Variants in SMCO1 observed in about 807,000 individuals in gnomAD.
The protein encoded by SMCO1 is single-pass membrane and coiled-coil domain-containing protein 1.
A neutral mutation model predicts 7.5 loss-of-function variants in SMCO1; 9 were observed. The ratio of observed to expected loss-of-function variants is 1.20; its 90% CI spans 0.72 to 2.09. SMCO1 has a LOEUF of 2.09. SMCO1 is among the 30% of genes most tolerant of loss of function. The pLI is 0.00. For missense variants in SMCO1, 219 were observed against 253.1 expected, an observed-to-expected ratio of 0.87 and a Z score of 0.91; for synonymous variants, 90 against 93.8, an observed-to-expected ratio of 0.96 and a Z score of 0.23.
intron 1 of SMCO1, among the ~76,000 whole-genome samples, chr3:196,514,136 CT>C (rs1329506590): frequency 6.6e-6 from 1 of 152,172 alleles, no homozygotes; most frequent in African/African-American, 2.4e-5. Context: ...GATTCTGTGA[CT>C]CAACTGATTA....
At chr3:196,510,600 C>T (rs939595778) in intron 1 of SMCO1, among the ~76,000 whole-genome samples, 1 of 152,042 alleles carries the variant, frequency 6.6e-6, no homozygotes, top group Non-Finnish European at 1.5e-5. Context: ...ATTTTCTACC[C>T]GATTCTAATT....
At position 196,514,690 on chromosome 3, in the gene SMCO1, TTTA is replaced by T. The variant is rs564035523; in HGVS notation, c.50+467_50+469del. 2.7e-3 allele frequency among the ~76,000 whole-genome samples: 417 copies of T among 152,348 alleles called. 4 individuals are homozygous for T. Among genetic ancestry groups the T allele is most frequent in the African/African-American group, 9.1e-3 (380 of 41,584 alleles). ...TACAGCACCTGGGAGCAGACTTTTCTTTATTGTTAATTTACATAGGTTTGGGCC... is the reference window on the plus strand; with the variant it reads ...TACAGCACCTGGGAGCAGACTTTTCTTTGTTAATTTACATAGGTTTGGGCC... On this transcript the variant is annotated intron_variant, in intron 1 of 2. Coordinates refer to ENST00000397537, the MANE Select transcript of SMCO1 (RefSeq NM_001077657.3).
At chr3:196,513,588 C>G (rs1733306069) in intron 1 of SMCO1, among the ~76,000 whole-genome samples, 1 of 141,540 alleles carries the variant, frequency 7.1e-6, no homozygotes, top group Admixed American at 7.4e-5. Context: ...GAAATCGCGC[C>G]ACTGCACTCC....
chr3:196,512,259 C>T (rs1733262844), intron 1 of SMCO1, among the ~76,000 whole-genome samples: 1 of 151,864 alleles, frequency 6.6e-6, no homozygotes, highest in Non-Finnish European at 1.5e-5. Context: ...GGGAAACTTG[C>T]CTGGGCCAAG....
rs535455364 is a variant in SMCO1, at chr3:196,515,311, C to G, written c.-102G>C. 6.0e-6 allele frequency: 5 copies of G among 837,732 alleles called. No individual in the cohort carries two copies. Among genetic ancestry groups the G allele is most frequent in the Admixed American group, 1.8e-5 (1 of 55,042 alleles). 51.9% of individuals were successfully genotyped at this position (837,732 alleles called of 1,614,324 possible). On this transcript the variant is annotated 5_prime_UTR_variant, in exon 1 of 3. Coordinates refer to ENST00000397537, the MANE Select transcript of SMCO1 (RefSeq NM_001077657.3). Reference sequence around the variant, plus strand: ...CTGCGGTCTTCCTCTCAGCAACAGGCAGCAGTAGCAGGAGCGCTCAGTCTA... The same window carrying G: ...CTGCGGTCTTCCTCTCAGCAACAGGGAGCAGTAGCAGGAGCGCTCAGTCTA...
At chr3:196,516,035 A>G (rs1314333991), upstream of SMCO1, among the ~76,000 whole-genome samples, 1 of 109,002 alleles carries the variant, frequency 9.2e-6, no homozygotes, top group Non-Finnish European at 1.8e-5. Context: ...ATATATAATT[A>G]TATATAAAAT....
upstream of SMCO1, among the ~76,000 whole-genome samples, chr3:196,518,726 T>C (rs1342190070): frequency 1.3e-5 from 2 of 152,202 alleles, no homozygotes; most frequent in Non-Finnish European, 2.9e-5. Context: ...TCAAAATCTG[T>C]CCTTTCATTC....
At chr3:196,515,084 A>G in intron 1 of SMCO1, 76 bp downstream of exon 1, 1 of 1,520,748 alleles carries the variant, frequency 6.6e-7, no homozygotes, top group Non-Finnish European at 9.1e-7. Flanking sequence ...CTTTATTTCT[A>G]TTCTTCATTC....
Position 196,515,302 on chromosome 3 carries a change from A to G in SMCO1, c.-93T>C. 1.1e-6 allele frequency: 1 copy of G among 902,642 alleles called. No homozygotes were observed. The highest frequency in any genetic ancestry group is 1.8e-6 in the Non-Finnish European group (1 of 547,564). The allele number at this position is 902,642 out of a possible 1,614,324, so 55.9% of individuals were successfully genotyped here. A position where few individuals can be genotyped will look rare whatever the true frequency, so the allele number is the denominator to read the frequency against. The stretch of plus-strand genomic sequence containing the variant: ...CAGAATTTTCTGCGGTCTTCCTCTC[A>G]GCAACAGGCAGCAGTAGCAGGAGCG... On this transcript the variant is annotated 5_prime_UTR_variant, in exon 1 of 3. Coordinates refer to ENST00000397537, the MANE Select transcript of SMCO1 (RefSeq NM_001077657.3).
chr3:196,512,658 C>G (rs1055050924), intron 1 of SMCO1, among the ~76,000 whole-genome samples: 64 of 151,736 alleles, frequency 4.2e-4, no homozygotes, highest in African/African-American at 1.5e-3. Flanking sequence ...ATTACAGGCG[C>G]CACCACATCC....
chr3:196,509,806 A>G, intron 1 of SMCO1, 137 bp from the exon 2 acceptor site: 1 of 657,860 alleles, frequency 1.5e-6, no homozygotes, highest in Non-Finnish European at 2.4e-6. Context: ...TTTACTTTAA[A>G]CTATGAAGGG....
At chr3:196,517,236 T>A (rs561854103), upstream of SMCO1, among the ~76,000 whole-genome samples, 1 of 151,624 alleles carries the variant, frequency 6.6e-6, no homozygotes, top group East Asian at 1.9e-4. Flanking sequence ...TCCTGAGTGA[T>A]AGGAGTGTCT....
Position 196,509,576 on chromosome 3 carries a change from C to G in SMCO1, c.144G>C (p.Lys48Asn). 1 of 1,613,986 alleles carries G rather than the reference C, an allele frequency of 6.2e-7. No individual in the cohort carries two copies. Among genetic ancestry groups the G allele is most frequent in the African/African-American group, 1.3e-5 (1 of 74,986 alleles). ...CTTGGGCTGCTTGGCTTGCCAAAGC[C>G]TTACTATGATGTTCGAATTTCTGCA... ...NLMQKFEHHSKALASQAAQDE... is the reference protein window; with the variant it reads ...NLMQKFEHHSNALASQAAQDE... Residue 48 changes from lysine to asparagine, a missense_variant, in exon 2 of 3, where the codon AAG (lysine) becomes AAC (asparagine). By Grantham distance (94) the Lys-to-Asn change is moderately conservative. Transcript: ENST00000397537.
upstream of SMCO1, among the ~76,000 whole-genome samples, chr3:196,519,877 C>T (rs1733461612): frequency 1.3e-5 from 2 of 152,284 alleles, no homozygotes; most frequent in Non-Finnish European, 2.9e-5. Flanking sequence ...ACACCTACAA[C>T]CACGGGCGGC....
In SMCO1 at chr3:196,507,854, G is replaced by A. The variant is rs368414591; in HGVS notation, c.*33C>T. The A allele has an allele frequency of 3.7e-6, 5 of 1,366,484 alleles. No homozygotes were observed. In the African/African-American group the frequency reaches 7.3e-5, roughly 20 times the overall value. The allele number at this position is 1,366,484 out of a possible 1,614,324, so 84.6% of individuals were successfully genotyped here. ...TTTGCTGTTTCCAAGATAAATTACTGTAGGTGGAATCACTGGGTCATAGGG... is the reference window on the plus strand; with the variant it reads ...TTTGCTGTTTCCAAGATAAATTACTATAGGTGGAATCACTGGGTCATAGGG... On this transcript the variant is annotated 3_prime_UTR_variant, in exon 3 of 3. Coordinates refer to ENST00000397537, the MANE Select transcript of SMCO1 (RefSeq NM_001077657.3).
intron 1 of SMCO1, among the ~76,000 whole-genome samples, chr3:196,511,132 T>C (rs6810083): frequency 0.38 from 44,116 of 116,004 alleles, 8,525 homozygotes; most frequent in Middle Eastern, 0.57. Context: ...CTAGATTGTC[T>C]TTATGAGGGA....
upstream of SMCO1, among the ~76,000 whole-genome samples, chr3:196,516,957 G>T (rs1434723519): frequency 6.6e-6 from 1 of 151,652 alleles, no homozygotes; most frequent in African/African-American, 2.4e-5. Context: ...AAATTAGCTG[G>T]GCATGGTGGC....
the SMCO1 span, among the ~76,000 whole-genome samples, chr3:196,520,917 G>A: frequency 6.6e-6 from 1 of 152,226 alleles, no homozygotes; most frequent in African/African-American, 2.4e-5. Flanking sequence ...TATAAACATT[G>A]TTAATCATTA....
chr3:196,516,087 TAA>T (rs945588628), upstream of SMCO1, among the ~76,000 whole-genome samples: 2 of 141,636 alleles, frequency 1.4e-5, no homozygotes, highest in Admixed American at 7.5e-5. Flanking sequence ...ATATCGTATA[TAA>T]AATATATATA....
Sources: allele counts gnomAD v4.1 joint callset (sites outside exome capture counted in the v4.1 genomes callset), GRCh38; gene constraint gnomAD v4.1.1; transcripts MANE v1.5; gene names NCBI Gene and HGNC (gene_info 2026-07-23, HGNC 2026-07-21).